The following RBPJL variants were observed in gnomAD, a reference collection of about 807,000 sequenced individuals.
RBPJL encodes the protein recombination signal binding protein for immunoglobulin kappa J region like, also known as recombining binding protein suppressor of hairless-like protein.
A neutral mutation model predicts 57.6 loss-of-function variants in RBPJL; 50 were observed. The ratio of observed to expected loss-of-function variants is 0.87; its 90% CI spans 0.69 to 1.10. RBPJL has a LOEUF of 1.10. Among genes scored for constraint, RBPJL ranks in the 50% least tolerant of loss-of-function variants. The pLI, the probability that RBPJL is intolerant of heterozygous loss-of-function variation, is 0.00. For missense variants in RBPJL, 684 were observed against 693.7 expected, an observed-to-expected ratio of 0.99 and a Z score of 0.16; for synonymous variants, 303 against 294.4, an observed-to-expected ratio of 1.03 and a Z score of -0.30.
chr20:45,314,823 C>T (rs1163221073), intron 9 of RBPJL, among the ~76,000 whole-genome samples: 1 of 152,074 alleles, frequency 6.6e-6, no homozygotes, highest in Admixed American at 6.5e-5. Context: ...TGGCTCATGC[C>T]TGTAATCCCA....
intron 2 of RBPJL, chr20:45,308,528 C>T (rs1325532023): frequency 4.2e-6 from 2 of 480,002 alleles, no homozygotes; most frequent in Admixed American, 6.7e-5. Context: ...GGCAGCCACA[C>T]TCCACAGCCG....
rs1987221877 is a variant in RBPJL at position 45,312,319 on chromosome 20, G to C, written c.543G>C (p.Leu181=). ...TGGTGCTGCGCGGGGGCCGGGAGCTGGGTACCTTCCACAGCCGCCTTATCA... is the reference window on the plus strand; with the variant it reads ...TGGTGCTGCGCGGGGGCCGGGAGCTCGGTACCTTCCACAGCCGCCTTATCA... The part of the protein sequence containing the change: ...LRLVLRGGRE[L]GTFHSRLIKV... The change falls in exon 6 of 12, where the codon CTG becomes CTC. Residue 181 remains leucine (L), a synonymous_variant. Coordinates refer to ENST00000343694, the MANE Select transcript of RBPJL (RefSeq NM_014276.4). 6.2e-7 allele frequency: 1 copy of C among 1,614,132 alleles called. No individual in the cohort carries two copies. Among genetic ancestry groups the C allele is most frequent in the Non-Finnish European group, 8.5e-7 (1 of 1,180,008 alleles).
intron 9 of RBPJL, 63 bp downstream of exon 9, chr20:45,314,628 A>C: frequency 6.7e-7 from 1 of 1,500,138 alleles, no homozygotes. Flanking sequence ...GAACCACAGA[A>C]TGTAAGATCA....
rs1235342230 is a variant in RBPJL at position 45,311,967 on chromosome 20, G to A, written c.444+13G>A. The A allele has an allele frequency of 2.6e-6, 4 of 1,538,224 alleles. No individual in the cohort carries two copies. The highest frequency in any genetic ancestry group is 2.4e-5 in the East Asian group (1 of 40,876). ...GCCGGACTCCAGGGTGAGAGCGCAC[G>A]GGAAGGGGTCCGATTCCTGCTCCCA... On this transcript the variant is annotated intron_variant, in intron 5 of 11. Coordinates refer to ENST00000343694, the MANE Select transcript of RBPJL (RefSeq NM_014276.4).
At chr20:45,315,145 G>C (rs1198746131) in intron 9 of RBPJL, among the ~76,000 whole-genome samples, 1 of 152,118 alleles carries the variant, frequency 6.6e-6, no homozygotes, top group Non-Finnish European at 1.5e-5. Context: ...AATCATGATA[G>C]GTAATAGAGA....
At position 45,313,575 on chromosome 20, in the gene RBPJL, C is replaced by A. The variant is rs566580473; in HGVS notation, c.727C>A (p.Arg243=). 2 of 1,612,610 alleles carry A rather than the reference C, an allele frequency of 1.2e-6. No homozygotes were observed. Among genetic ancestry groups the A allele is most frequent in the African/African-American group, 2.7e-5 (2 of 74,908 alleles). Residue 243 remains arginine (R), a synonymous_variant, in exon 7 of 12, where the codon CGA becomes AGA. Coordinates refer to ENST00000343694, the MANE Select transcript of RBPJL (RefSeq NM_014276.4). ...GGATGGGGCCTTTGTGGCCAGTGCACGACAGTGGGCTGCCTTCACGCTCCA... is the reference window on the plus strand; with the variant it reads ...GGATGGGGCCTTTGTGGCCAGTGCAAGACAGTGGGCTGCCTTCACGCTCCA... ...VEDGAFVASA[R]QWAAFTLHLA... is the part of the protein sequence containing the mutation.
chr20:45,311,404 T>C (rs914559131), intron 3 of RBPJL, among the ~76,000 whole-genome samples, 185 bp from the exon 4 acceptor site: 15 of 151,810 alleles, frequency 9.9e-5, no homozygotes, highest in African/African-American at 3.6e-4. Flanking sequence ...TTCTGATGAG[T>C]TGAATGAGGG....
intron 8 of RBPJL, 93 bp downstream of exon 8, chr20:45,314,237 G>A (rs1392195447): frequency 4.1e-5 from 53 of 1,303,220 alleles, no homozygotes; most frequent in Non-Finnish European, 5.7e-5. Flanking sequence ...GAGGCCCCAA[G>A]GCATGGAGAC....
Position 45,316,916 on chromosome 20 carries a change from A to T in RBPJL, c.1511A>T (p.Gln504Leu), listed in dbSNP as rs1987507573. 2.5e-6 allele frequency: 4 copies of T among 1,613,380 alleles called. No individual in the cohort carries two copies. In the South Asian group the frequency reaches 4.4e-5, roughly 18 times the overall value. ...GACGCGCTCCTGGAGAGCATCCATC[A>T]GGAGTTCACGCGCACCAACTTCCAC... ...DADALLESIH[Q>L]EFTRTNFHLF... The change falls in exon 12 of 12, where the codon CAG (glutamine) becomes CTG (leucine). Residue 504 changes from glutamine (Q) to leucine (L), a missense_variant. By Grantham distance (113) the Gln-to-Leu change is moderately radical. Coordinates refer to ENST00000343694, the MANE Select transcript of RBPJL (RefSeq NM_014276.4).
In RBPJL at chr20:45,311,821, G is replaced by A; in HGVS notation, c.329-18G>A. The A allele has an allele frequency of 6.5e-7, 1 of 1,548,094 alleles. No homozygotes were observed. ...GTCCTCCCGAGTCCTTGCAGAGCCA[G>A]TTCGCGTCCCTTTCCAGCTCACCAG... is the stretch of plus-strand genomic sequence containing the variant. On this transcript the variant is annotated intron_variant, in intron 4 of 11. Coordinates refer to ENST00000343694, the MANE Select transcript of RBPJL (RefSeq NM_014276.4).
At chr20:45,313,392 T>A in intron 6 of RBPJL, 76 bp from the exon 7 acceptor site, 56 of 1,175,356 alleles carry the variant, frequency 4.8e-5, no homozygotes, top group Middle Eastern at 2.8e-4. Flanking sequence ...CTAACCCCAA[T>A]CCTAACCCTA....
At chr20:45,316,644 G>C (rs138553456) in intron 11 of RBPJL, 42 bp from the exon 12 acceptor site, 6 of 1,533,264 alleles carry the variant, frequency 3.9e-6, no homozygotes, top group Admixed American at 4.1e-5. Flanking sequence ...TGCACGCGTC[G>C]TCGGAGTCGC....
At chr20:45,309,725 G>A in intron 3 of RBPJL, 33 bp downstream of exon 3, 1 of 1,611,442 alleles carries the variant, frequency 6.2e-7, no homozygotes, top group South Asian at 1.1e-5. Context: ...CCAGGTCTCT[G>A]CAACTGTCAG....
intron 2 of RBPJL, among the ~76,000 whole-genome samples, 158 bp from the exon 3 acceptor site, chr20:45,309,409 T>G (rs1034987124): frequency 2.0e-5 from 3 of 152,148 alleles, no homozygotes; most frequent in Admixed American, 1.3e-4. Flanking sequence ...ATGCTTCCTC[T>G]TCCTGACCCC....
intron 6 of RBPJL, among the ~76,000 whole-genome samples, chr20:45,312,671 G>C (rs1228241539): frequency 1.3e-5 from 2 of 152,074 alleles, no homozygotes; most frequent in Non-Finnish European, 2.9e-5. Context: ...GTTGAACTAG[G>C]CAGGAGTTGA....
In RBPJL at chr20:45,316,718, A is replaced by G. The variant is rs755402128; in HGVS notation, c.1313A>G (p.Asp438Gly). The change falls in exon 12 of 12, where the codon GAC (aspartate) becomes GGC (glycine). Residue 438 changes from aspartate (D) to glycine (G), a missense_variant. Transcript: ENST00000343694. ...SPRSLVCVVP[D>G]VAAFCSDWRW... Reference sequence around the variant, plus strand: ...CGGTCCCTGGTGTGCGTGGTGCCGGACGTGGCGGCCTTCTGCAGCGACTGG... The same window carrying G: ...CGGTCCCTGGTGTGCGTGGTGCCGGGCGTGGCGGCCTTCTGCAGCGACTGG... 7 of 1,611,556 alleles carry G rather than the reference A, an allele frequency of 4.3e-6. No homozygotes were observed. Among genetic ancestry groups the G allele is most frequent in the South Asian group, 1.1e-5 (1 of 90,844 alleles).
intron 5 of RBPJL, 133 bp from the exon 6 acceptor site, chr20:45,312,088 C>T (rs1987204507): frequency 2.0e-6 from 3 of 1,491,462 alleles, no homozygotes; most frequent in Non-Finnish European, 2.8e-6. Flanking sequence ...TGCCTTAAGG[C>T]CGAGCCTGAG....
chr20:45,316,113 C>G (rs1277432065), intron 9 of RBPJL, 74 bp from the exon 10 acceptor site: 1 of 1,481,474 alleles, frequency 6.8e-7, no homozygotes, highest in Non-Finnish European at 9.3e-7. Context: ...CAGAAGCCCA[C>G]GCGCCATGCT....
At chr20:45,309,498 G>T in intron 2 of RBPJL, 69 bp from the exon 3 acceptor site, 1 of 1,520,462 alleles carries the variant, frequency 6.6e-7, no homozygotes, top group Non-Finnish European at 8.8e-7. Flanking sequence ...CAACCTGAGT[G>T]CTTGGACCCT....
Sources: gnomAD v4.1 joint callset for allele counts (sites outside exome capture counted in the v4.1 genomes callset) on GRCh38, gnomAD v4.1.1 for gene constraint, MANE v1.5 for transcripts, NCBI Gene and HGNC (gene_info 2026-07-23, HGNC 2026-07-21) for gene names.